OCIAD1: variants seen among roughly 807,000 people sequenced by gnomAD.
OCIAD1 encodes OCIA domain-containing protein 1.
In OCIAD1, 29 loss-of-function variants were observed where a neutral mutation model predicts 38.9. The ratio of observed to expected loss-of-function variants is 0.74; its 90% CI spans 0.55 to 1.02. OCIAD1 has a LOEUF of 1.02. Among genes scored for constraint, OCIAD1 ranks in the 50% least tolerant of loss-of-function variants. OCIAD1 has a pLI of 0.00. For missense variants in OCIAD1, 288 were observed against 289.6 expected, an observed-to-expected ratio of 0.99 and a Z score of 0.04; for synonymous variants, 110 against 92.0, an observed-to-expected ratio of 1.20 and a Z score of -1.12.
rs747810972 is a variant in OCIAD1, at chr4:48,850,064, GACGATCTTCACC to G, written c.362_373del (p.Arg121_Pro124del). 6.2e-7 allele frequency: 1 copy of G among 1,611,322 alleles called. No homozygotes were observed. The highest frequency in any genetic ancestry group is 8.5e-7 in the Non-Finnish European group (1 of 1,179,306). On this transcript the variant is annotated inframe_deletion, in exon 6 of 9. Coordinates refer to ENST00000264312, the MANE Select transcript of OCIAD1 (RefSeq NM_017830.4). Reference sequence around the variant, plus strand: ...GAAGCTTTACGATCAGGACAAGCACGACGATCTTCACCACCTGGGTAGGCCAGATTCTGATCT... The same window carrying G: ...GAAGCTTTACGATCAGGACAAGCACGACCTGGGTAGGCCAGATTCTGATCT...
chr4:48,824,244 A>G (rs1777226406), intron 1 of OCIAD1, among the ~76,000 whole-genome samples: 1 of 151,990 alleles, frequency 6.6e-6, no homozygotes, highest in African/African-American at 2.4e-5. Flanking sequence ...GGCCTCCCAA[A>G]GTGCTGGGAT....
chr4:48,824,185 T>G (rs1777225811), intron 1 of OCIAD1, among the ~76,000 whole-genome samples: 1 of 152,118 alleles, frequency 6.6e-6, no homozygotes, highest in Non-Finnish European at 1.5e-5. Flanking sequence ...TTTGCCGTGT[T>G]GCCCACACTA....
chr4:48,829,900 T>C (rs1183391205), upstream of OCIAD1, among the ~76,000 whole-genome samples: 1 of 152,190 alleles, frequency 6.6e-6, no homozygotes. Flanking sequence ...CAAAAGTACA[T>C]TGCAGTGACA....
intron 3 of OCIAD1, among the ~76,000 whole-genome samples, chr4:48,837,964 T>C (rs1778158773): frequency 6.6e-6 from 1 of 152,126 alleles, no homozygotes; most frequent in African/African-American, 2.4e-5. Context: ...ACATGTGGTA[T>C]ATGAACAGTA....
At chr4:48,842,609 GT>G (rs1560426922) in intron 3 of OCIAD1, 26 bp from the exon 4 acceptor site, 1 of 1,515,100 alleles carries the variant, frequency 6.6e-7, no homozygotes, top group Middle Eastern at 1.7e-4. Context: ...TTTTGTTGAT[GT>G]TAACAAGGTC....
At chr4:48,854,134 T>TC (rs531601565) in intron 7 of OCIAD1, among the ~76,000 whole-genome samples, 27 of 152,022 alleles carry the variant, frequency 1.8e-4, no homozygotes, top group Non-Finnish European at 3.1e-4. Flanking sequence ...TGTACAGTAG[T>TC]CCCCCCTTAT....
rs568895511 is a variant in OCIAD1, at chr4:48,818,528, T to C, written c.-102-12049T>C. ...AGAAGGCCTATTCTCCTCCAAATGA[T>C]CTCTACTCCTCTCCAGCAAGGGCAC... is the stretch of plus-strand genomic sequence containing the variant. On this transcript the variant is annotated intron_variant, in intron 1 of 6. Coordinates refer to the OCIAD1 transcript ENST00000504654. Among the ~76,000 whole-genome samples the C allele has an allele frequency of 7.9e-5, 12 of 152,284 alleles. No individual in the cohort carries two copies. The East Asian group carries it at 2.3e-3, about 29-fold the overall frequency.
chr4:48,842,780 C>T (rs1778650945), intron 4 of OCIAD1, 91 bp downstream of exon 4: 1 of 688,166 alleles, frequency 1.5e-6, no homozygotes. Flanking sequence ...GTAAAGATAA[C>T]AATGTATCAT....
At chr4:48,850,416 C>T (rs1490608152) in intron 6 of OCIAD1, among the ~76,000 whole-genome samples, 3 of 152,096 alleles carry the variant, frequency 2.0e-5, no homozygotes, top group Non-Finnish European at 1.5e-5. Context: ...TCAGCCACTG[C>T]ACCCAGCTAA....
intron 1 of OCIAD1, among the ~76,000 whole-genome samples, chr4:48,819,816 G>T (rs1777176426): frequency 6.9e-6 from 1 of 145,370 alleles, no homozygotes. Flanking sequence ...ACAAAGAAGG[G>T]CATTACATTA....
chr4:48,826,549 T>C (rs1275505260), upstream of OCIAD1, among the ~76,000 whole-genome samples: 3 of 152,212 alleles, frequency 2.0e-5, no homozygotes, highest in African/African-American at 7.2e-5. Flanking sequence ...CTTTAGTGGT[T>C]CTTTCCCTTT....
chr4:48,852,276 A>G (rs1779553733), intron 7 of OCIAD1: 2 of 234,752 alleles, frequency 8.5e-6, no homozygotes, highest in African/African-American at 2.2e-5. Context: ...TGTCCCAGTA[A>G]TTGAAAATAC....
intron 1 of OCIAD1, among the ~76,000 whole-genome samples, chr4:48,814,221 G>T (rs1324132370): frequency 6.6e-6 from 1 of 151,254 alleles, no homozygotes; most frequent in East Asian, 1.9e-4. Context: ...TGTAGAAAGG[G>T]TCACCTCCTG....
intron 1 of OCIAD1, among the ~76,000 whole-genome samples, chr4:48,817,380 C>G (rs541537353): frequency 5.0e-4 from 76 of 151,694 alleles, no homozygotes; most frequent in African/African-American, 1.8e-3. Flanking sequence ...TTTCATACCC[C>G]CAGTGGCACC....
At chr4:48,860,131 G>A (rs1780468573) in intron 8 of OCIAD1, 1 of 152,344 alleles carries the variant, frequency 6.6e-6, no homozygotes, top group African/African-American at 2.4e-5. Context: ...AGCGGAGCAT[G>A]TTTTAAAATG....
upstream of OCIAD1, chr4:48,831,060 T>C (rs1326954447): frequency 9.7e-5 from 23 of 236,528 alleles, no homozygotes; most frequent in Admixed American, 1.0e-3. Context: ...GCCGTAAGTA[T>C]ACAGTGCCTC....
At chr4:48,859,239 G>GAA (rs898813602) in intron 8 of OCIAD1, among the ~76,000 whole-genome samples, 1 of 151,836 alleles carries the variant, frequency 6.6e-6, no homozygotes, top group Non-Finnish European at 1.5e-5. Flanking sequence ...ATCTACCTTT[G>GAA]AAATGAATTA....
intron 6 of OCIAD1, among the ~76,000 whole-genome samples, chr4:48,850,604 A>G (rs1282469306): frequency 6.6e-6 from 1 of 151,508 alleles, no homozygotes; most frequent in Non-Finnish European, 1.5e-5. Flanking sequence ...ACAGAGTTTC[A>G]CTCTGGCTCC....
At chr4:48,833,511 T>A in intron 3 of OCIAD1, 30 bp downstream of exon 3, 1 of 1,361,618 alleles carries the variant, frequency 7.3e-7, no homozygotes, top group Non-Finnish European at 1.0e-6. Context: ...TAATATAATT[T>A]GATCCAAAAT....
Sources: gnomAD v4.1 joint callset for allele counts (sites outside exome capture counted in the v4.1 genomes callset) on GRCh38, gnomAD v4.1.1 for gene constraint, MANE v1.5 for transcripts, NCBI Gene and HGNC (gene_info 2026-07-23, HGNC 2026-07-21) for gene names.